Variants in ABLIM1 observed in about 807,000 individuals in gnomAD.
The protein encoded by ABLIM1 is actin-binding LIM protein 1.
A neutral mutation model predicts 107.0 loss-of-function variants in ABLIM1; 40 were observed. The ratio of observed to expected loss-of-function variants is 0.37; its 90% CI spans 0.29 to 0.49. The LOEUF (loss-of-function observed/expected upper bound fraction) is 0.49. Among genes scored for constraint, ABLIM1 ranks in the 20% least tolerant of loss-of-function variants. ABLIM1 has a pLI of 0.97. For synonymous variants in ABLIM1, 357 were observed against 357.3 expected, an observed-to-expected ratio of 1.00 and a Z score of 0.01; for missense variants, 857 against 1,008.5, an observed-to-expected ratio of 0.85 and a Z score of 2.04.
chr10:114,496,259 C>T (rs543557605), intron 6 of ABLIM1, among the ~76,000 whole-genome samples: 1 of 152,156 alleles, frequency 6.6e-6, no homozygotes, highest in Non-Finnish European at 1.5e-5. Flanking sequence ...GGCAGGACTT[C>T]GCTCTATAAA....
At chr10:114,702,523 C>T (rs2081326461) in intron 1 of ABLIM1, among the ~76,000 whole-genome samples, 1 of 146,372 alleles carries the variant, frequency 6.8e-6, no homozygotes, top group Admixed American at 6.8e-5. Flanking sequence ...TAAGTAAGAA[C>T]ACTTTTTTTT....
intron 6 of ABLIM1, among the ~76,000 whole-genome samples, chr10:114,500,994 C>T (rs564381591): frequency 2.8e-4 from 43 of 152,230 alleles, no homozygotes; most frequent in Non-Finnish European, 4.4e-4. Flanking sequence ...CTAGAAGTGT[C>T]CAGTGAATTA....
upstream of ABLIM1, among the ~76,000 whole-genome samples, chr10:114,685,388 G>C (rs1205131810): frequency 1.3e-5 from 2 of 152,176 alleles, no homozygotes; most frequent in Non-Finnish European, 2.9e-5. Context: ...TTAATTTAAT[G>C]TAAGGCCTAT....
chr10:114,576,757 G>A (rs1003915903), intron 2 of ABLIM1, among the ~76,000 whole-genome samples: 2 of 152,094 alleles, frequency 1.3e-5, no homozygotes, highest in African/African-American at 4.8e-5. Context: ...ACTTTCCATT[G>A]TGGATTCATC....
chr10:114,799,857 C>T, the ABLIM1 span, among the ~76,000 whole-genome samples: 1 of 152,150 alleles, frequency 6.6e-6, no homozygotes, highest in Non-Finnish European at 1.5e-5. Context: ...CTCACTGCAA[C>T]CTCTGCTTCC....
intron 4 of ABLIM1, among the ~76,000 whole-genome samples, chr10:114,559,438 C>CAAAAAAAA (rs72456292): frequency 1.2e-3 from 60 of 49,198 alleles, no homozygotes; most frequent in South Asian, 3.3e-3. Context: ...ACTCGTCTCT[C>CAAAAAAAA]AAAAAAAAAA....
At chr10:114,633,407 C>T (rs1167094238) in intron 1 of ABLIM1, among the ~76,000 whole-genome samples, 1 of 152,146 alleles carries the variant, frequency 6.6e-6, no homozygotes. Context: ...GCTCAGGCAG[C>T]TGTGACATTC....
At chr10:114,713,597 A>G (rs2081599189) in intron 1 of ABLIM1, among the ~76,000 whole-genome samples, 1 of 152,188 alleles carries the variant, frequency 6.6e-6, no homozygotes, top group Non-Finnish European at 1.5e-5. Flanking sequence ...TACTTAGAGA[A>G]AGCATAACAT....
At chr10:114,726,002 C>A (rs1328460694) in intron 1 of ABLIM1, among the ~76,000 whole-genome samples, 1 of 151,988 alleles carries the variant, frequency 6.6e-6, no homozygotes, top group Non-Finnish European at 1.5e-5. Flanking sequence ...CCCGCTTTTG[C>A]CTTTGAAAGT....
At chr10:114,759,049 C>T (rs997733496) in intron 1 of ABLIM1, among the ~76,000 whole-genome samples, 9 of 152,238 alleles carry the variant, frequency 5.9e-5, no homozygotes, top group Non-Finnish European at 1.0e-4. Context: ...ACAACATGAT[C>T]GCCAATCAAT....
chr10:114,675,684 G>A (rs979345189), intron 1 of ABLIM1, among the ~76,000 whole-genome samples: 2 of 152,238 alleles, frequency 1.3e-5, no homozygotes, highest in African/African-American at 2.4e-5. Flanking sequence ...TAGCTAAGAT[G>A]TACTAGTTTT....
chr10:114,448,604 T>TTTA (rs60805531), intron 14 of ABLIM1, among the ~76,000 whole-genome samples: 6,343 of 149,752 alleles, frequency 0.042, 234 homozygotes, highest in East Asian at 0.16. Context: ...AGATCATTCT[T>TTTA]TTATTATTAT....
intron 1 of ABLIM1, chr10:114,613,899 G>C (rs1264267630): frequency 1.2e-5 from 2 of 170,666 alleles, no homozygotes; most frequent in African/African-American, 4.8e-5. Context: ...CTGTCACCTT[G>C]CTAGGTATTC....
At chr10:114,612,090 C>T (rs942471990) in intron 1 of ABLIM1, among the ~76,000 whole-genome samples, 1 of 152,146 alleles carries the variant, frequency 6.6e-6, no homozygotes, top group African/African-American at 2.4e-5. Context: ...CCATATCCTC[C>T]TAGGAGCCTT....
At chr10:114,522,072 C>T (rs1396719999) in intron 6 of ABLIM1, among the ~76,000 whole-genome samples, 2 of 152,068 alleles carry the variant, frequency 1.3e-5, no homozygotes, top group African/African-American at 4.8e-5. Context: ...CAGAGATGGA[C>T]AGTGTCTGTG....
chr10:114,768,407 G>T (rs2082958914), upstream of ABLIM1, among the ~76,000 whole-genome samples: 1 of 151,388 alleles, frequency 6.6e-6, no homozygotes, highest in African/African-American at 2.4e-5. Flanking sequence ...AGGAACGAGG[G>T]TCTGCGTCCT....
At chr10:114,587,391 G>A (rs1051044757) in intron 2 of ABLIM1, among the ~76,000 whole-genome samples, 1 of 151,992 alleles carries the variant, frequency 6.6e-6, no homozygotes, top group African/African-American at 2.4e-5. Flanking sequence ...TTCTATATAA[G>A]GATTTCTGCT....
chr10:114,527,278 G>A (rs1294790470), intron 6 of ABLIM1, among the ~76,000 whole-genome samples: 1 of 152,148 alleles, frequency 6.6e-6, no homozygotes, highest in African/African-American at 2.4e-5. Context: ...ACAAAACTGA[G>A]TTCAACTTTT....
At chr10:114,498,168 A>G (rs1214414947) in intron 6 of ABLIM1, among the ~76,000 whole-genome samples, 2 of 152,188 alleles carry the variant, frequency 1.3e-5, no homozygotes, top group Admixed American at 6.5e-5. Flanking sequence ...GTCACTATTT[A>G]ACATCTCCAA....
Sources: gnomAD v4.1 joint callset for allele counts (sites outside exome capture counted in the v4.1 genomes callset) on GRCh38, gnomAD v4.1.1 for gene constraint, MANE v1.5 for transcripts, NCBI Gene and HGNC (gene_info 2026-07-23, HGNC 2026-07-21) for gene names.